Variants in MLXIP observed in about 807,000 individuals in gnomAD.
MLXIP encodes the protein MLX interacting protein, also known as MLX-interacting protein.
In MLXIP, 30 loss-of-function variants were observed where a neutral mutation model predicts 87.2. The observed-to-expected ratio is 0.34, with a 90% CI of 0.26 to 0.47. MLXIP has a LOEUF of 0.47. Ranked by LOEUF, MLXIP falls within the 20% of genes least tolerant of loss-of-function variation. The pLI, the probability that MLXIP is intolerant of heterozygous loss-of-function variation, is 1.00. For missense variants in MLXIP, 1,002 were observed against 1,240.1 expected, an observed-to-expected ratio of 0.81 and a Z score of 2.88; for synonymous variants, 530 against 514.0, an observed-to-expected ratio of 1.03 and a Z score of -0.42.
At chr12:122,085,589 A>G (rs907782848) in intron 1 of MLXIP, among the ~76,000 whole-genome samples, 9 of 151,918 alleles carry the variant, frequency 5.9e-5, no homozygotes, top group Admixed American at 3.3e-4. Flanking sequence ...TTTTTGGTAG[A>G]GATGGGGTTT....
chr12:122,078,922 G>A lies in MLXIP; in HGVS notation c.69G>A (p.Lys23=). Residue 23 remains lysine (K), a synonymous_variant, in exon 1 of 17, where the codon AAG becomes AAA. Transcript: ENST00000319080. ...PRSRGRQVLL[K]PQVSEDDDDS... ...GCCGGGGCCGCCAGGTGCTGCTCAA[G>A]CCCCAGGTGTCCGAGGACGACGACG... is the stretch of plus-strand genomic sequence containing the variant. The A allele has an allele frequency of 8.8e-7, 1 of 1,135,736 alleles. No homozygotes were observed. Among genetic ancestry groups the A allele is most frequent in the Non-Finnish European group, 1.1e-6 (1 of 921,772 alleles). 70.4% of individuals were successfully genotyped at this position (1,135,736 alleles called of 1,614,324 possible). A position where few individuals can be genotyped will look rare whatever the true frequency, so the allele number is the denominator to read the frequency against.
intron 1 of MLXIP, among the ~76,000 whole-genome samples, chr12:122,086,898 G>A (rs1311059417): frequency 2.0e-5 from 3 of 152,254 alleles, no homozygotes; most frequent in Admixed American, 6.5e-5. Context: ...CAGCCCTGCC[G>A]TCTTTGCAGC....
intron 1 of MLXIP, among the ~76,000 whole-genome samples, chr12:122,090,508 A>G (rs1337692100): frequency 3.4e-5 from 5 of 147,972 alleles, no homozygotes; most frequent in African/African-American, 1.3e-4. Context: ...AAAAAAAAAA[A>G]CAAAACAAAA....
intron 1 of MLXIP, among the ~76,000 whole-genome samples, chr12:122,109,505 C>T (rs1374335686): frequency 6.6e-6 from 1 of 152,162 alleles, no homozygotes; most frequent in Non-Finnish European, 1.5e-5. Flanking sequence ...TTTTCACAGA[C>T]AGGAAAGAAA....
At chr12:122,117,113 C>T (rs964482247) in intron 1 of MLXIP, among the ~76,000 whole-genome samples, 2 of 152,218 alleles carry the variant, frequency 1.3e-5, no homozygotes, top group African/African-American at 2.4e-5. Context: ...CGCATGTGGG[C>T]GGAGCACCTG....
intron 1 of MLXIP, among the ~76,000 whole-genome samples, chr12:122,082,968 G>A (rs1038719607): frequency 9.2e-5 from 14 of 152,260 alleles, no homozygotes; most frequent in South Asian, 2.1e-4. Flanking sequence ...CTGCGGGCAC[G>A]CACTACTATG....
chr12:122,127,757 C>A, intron 2 of MLXIP, 126 bp from the exon 3 acceptor site: 1 of 741,004 alleles, frequency 1.3e-6, no homozygotes, highest in Non-Finnish European at 2.3e-6. Flanking sequence ...TCTCCTTTTC[C>A]TAGGGAAGGA....
At chr12:122,095,402 G>C (rs1952336969) in intron 1 of MLXIP, among the ~76,000 whole-genome samples, 1 of 151,998 alleles carries the variant, frequency 6.6e-6, no homozygotes, top group South Asian at 2.1e-4. Flanking sequence ...TTTTGGATCT[G>C]ATTTGGAAAG....
rs570278264 is a variant in MLXIP at position 122,081,308 on chromosome 12, T to C, written c.413+2042T>C. 5.9e-5 allele frequency among the ~76,000 whole-genome samples: 9 copies of C among 152,306 alleles called. No individual in the cohort carries two copies. In the East Asian group the frequency reaches 1.7e-3, roughly 29 times the overall value. On this transcript the variant is annotated intron_variant, in intron 1 of 16. Coordinates refer to ENST00000319080, the MANE Select transcript of MLXIP (RefSeq NM_014938.6). ...CCTCGGATGGGATCTGTCCAGTCATTTCTCATGAAGATGCCCTTTGTCTGT... is the reference window on the plus strand; with the variant it reads ...CCTCGGATGGGATCTGTCCAGTCATCTCTCATGAAGATGCCCTTTGTCTGT...
Position 122,113,681 on chromosome 12 carries a change from CTTTTTTTTT to C in MLXIP, c.414-13562_414-13554del, listed in dbSNP as rs1173711241. On this transcript the variant is annotated intron_variant, in intron 1 of 16. Transcript: ENST00000319080. ...ACAGTCCATATAACTGCCTTCATTT[CTTTTTTTTT>C]TTTTTTTTTTTTGAGACGGAGTCTC... 1.1e-4 allele frequency among the ~76,000 whole-genome samples: 11 copies of C among 100,686 alleles called. 1 individual carries two copies. The highest frequency in any genetic ancestry group is 4.4e-4 in the African/African-American group (11 of 24,798). The allele number at this position is 100,686 out of a possible 152,430, so 66.1% of individuals were successfully genotyped here.
intron 3 of MLXIP, chr12:122,128,356 C>T: frequency 5.4e-6 from 1 of 183,498 alleles, no homozygotes; most frequent in Non-Finnish European, 1.1e-5. Flanking sequence ...GCTTTCTTCA[C>T]TGCATACTCT....
At chr12:122,103,203 T>G (rs540393975) in intron 1 of MLXIP, among the ~76,000 whole-genome samples, 66,430 of 116,218 alleles carry the variant, frequency 0.57, 14,910 homozygotes, top group Middle Eastern at 0.69. Flanking sequence ...ATGTATGTAT[T>G]TATTTATTTA....
intron 1 of MLXIP, among the ~76,000 whole-genome samples, chr12:122,086,485 T>G (rs1421163323): frequency 6.6e-6 from 1 of 152,182 alleles, no homozygotes; most frequent in Admixed American, 6.5e-5. Flanking sequence ...TTGTAGAAAG[T>G]TAATTTTCCT....
intron 15 of MLXIP, chr12:122,140,738 G>A (rs746693391): frequency 4.5e-5 from 31 of 693,628 alleles, no homozygotes; most frequent in African/African-American, 1.8e-4. Flanking sequence ...GTGCTTGAGC[G>A]GCCCTGTTGT....
chr12:122,140,786 AAG>A (rs1565991475), intron 15 of MLXIP, 166 bp from the exon 16 acceptor site: 3 of 1,034,044 alleles, frequency 2.9e-6, no homozygotes, highest in Non-Finnish European at 4.4e-6. Context: ...CATGAAGTGG[AAG>A]ACACACCTTG....
At chr12:122,131,037 C>A in intron 7 of MLXIP, 104 bp downstream of exon 7, 1 of 762,090 alleles carries the variant, frequency 1.3e-6, no homozygotes, top group Non-Finnish European at 2.3e-6. Flanking sequence ...GTAGAATGGG[C>A]AAGGGGGCGA....
chr12:122,109,617 A>C (rs748269081), intron 1 of MLXIP, among the ~76,000 whole-genome samples: 4 of 152,258 alleles, frequency 2.6e-5, no homozygotes, highest in African/African-American at 9.6e-5. Context: ...GGAGATTTGC[A>C]GCATGTCTGA....
intron 1 of MLXIP, among the ~76,000 whole-genome samples, chr12:122,124,795 C>T (rs961681346): frequency 1.3e-5 from 2 of 152,092 alleles, no homozygotes; most frequent in Admixed American, 1.3e-4. Context: ...CTTTTGGAGG[C>T]CGAGGTGGGA....
chr12:122,094,996 G>T (rs888565021), intron 1 of MLXIP, among the ~76,000 whole-genome samples: 180 of 105,754 alleles, frequency 1.7e-3, no homozygotes, highest in African/African-American at 5.3e-3. Context: ...ATGTGTGTGC[G>T]GTGTCTGTGT....
Sources: allele counts gnomAD v4.1 joint callset (sites outside exome capture counted in the v4.1 genomes callset), GRCh38; gene constraint gnomAD v4.1.1; transcripts MANE v1.5; gene names NCBI Gene and HGNC (gene_info 2026-07-23, HGNC 2026-07-21).